The following PIK3C2G variants were observed in gnomAD, a reference collection of about 807,000 sequenced individuals.
PIK3C2G encodes phosphatidylinositol 3-kinase C2 domain-containing subunit gamma.
Under a neutral mutation model 181.1 loss-of-function variants are expected in PIK3C2G, and 168 were observed. That is an observed-to-expected ratio of 0.93 (90% CI 0.82 to 1.05). The LOEUF (loss-of-function observed/expected upper bound fraction) is 1.05, where lower values mean the gene tolerates loss of function less well. Among genes scored for constraint, PIK3C2G ranks in the 50% least tolerant of loss-of-function variants. PIK3C2G has a pLI of 0.00. For synonymous variants in PIK3C2G, 573 were observed against 592.2 expected (o/e 0.97, Z 0.47); for missense variants, 1,869 against 1,732.8 (o/e 1.08, Z -1.40).
intron 1 of PIK3C2G, among the ~76,000 whole-genome samples, chr12:18,252,465 T>C (rs1948104603): frequency 6.6e-6 from 1 of 152,182 alleles, no homozygotes; most frequent in Admixed American, 6.5e-5. Flanking sequence ...TAATAAAAGA[T>C]TAACAAAACG....
intron 11 of PIK3C2G, among the ~76,000 whole-genome samples, chr12:18,355,931 G>A (rs1342479506): frequency 6.6e-6 from 1 of 152,062 alleles, no homozygotes; most frequent in Non-Finnish European, 1.5e-5. Flanking sequence ...AAAGAAGGAA[G>A]GAAAGATATC....
intron 8 of PIK3C2G, among the ~76,000 whole-genome samples, chr12:18,331,492 A>C (rs1347825818): frequency 3.3e-5 from 5 of 152,102 alleles, no homozygotes; most frequent in Admixed American, 3.3e-4. Flanking sequence ...AGTGGAACTC[A>C]CTTTCATATA....
At chr12:18,619,787 C>G (rs550501658) in intron 31 of PIK3C2G, among the ~76,000 whole-genome samples, 2 of 149,520 alleles carry the variant, frequency 1.3e-5, no homozygotes, top group Non-Finnish European at 3.0e-5. Flanking sequence ...CATAGTGGCG[C>G]GATCTCGGCT....
intron 24 of PIK3C2G, among the ~76,000 whole-genome samples, chr12:18,509,342 C>A (rs1035977419): frequency 1.3e-5 from 2 of 152,176 alleles, no homozygotes; most frequent in Non-Finnish European, 2.9e-5. Flanking sequence ...GCCACTGCAC[C>A]CAGTTACAAA....
intron 1 of PIK3C2G, among the ~76,000 whole-genome samples, chr12:18,273,009 T>C (rs1299205159): frequency 6.7e-6 from 1 of 149,400 alleles, no homozygotes; most frequent in East Asian, 2.0e-4. Flanking sequence ...CACACCCCCA[T>C]CCATAGACAC....
chr12:18,476,715 G>A (rs73068576), intron 18 of PIK3C2G, among the ~76,000 whole-genome samples: 1,873 of 152,174 alleles, frequency 0.012, 20 homozygotes, highest in Non-Finnish European at 0.017. Flanking sequence ...TAGTTAGGGT[G>A]ATGGAAGTCT....
intron 3 of PIK3C2G, among the ~76,000 whole-genome samples, chr12:18,289,249 A>T (rs1301379515): frequency 1.3e-5 from 2 of 152,176 alleles, no homozygotes; most frequent in Non-Finnish European, 2.9e-5. Flanking sequence ...ATTGTAACAT[A>T]CTTTAAAGCC....
intron 24 of PIK3C2G, among the ~76,000 whole-genome samples, chr12:18,509,444 C>T (rs1942070334): frequency 6.6e-6 from 1 of 152,238 alleles, no homozygotes; most frequent in African/African-American, 2.4e-5. Context: ...AAACATTTCT[C>T]ACTGGGCTGC....
intron 3 of PIK3C2G, among the ~76,000 whole-genome samples, chr12:18,288,951 A>G (rs1949570917): frequency 6.6e-6 from 1 of 152,202 alleles, no homozygotes; most frequent in Admixed American, 6.5e-5. Flanking sequence ...ATTTCATAAT[A>G]GTCATGAAAA....
At chr12:18,457,818 A>C (rs1947709870) in intron 18 of PIK3C2G, among the ~76,000 whole-genome samples, 1 of 152,184 alleles carries the variant, frequency 6.6e-6, no homozygotes, top group African/African-American at 2.4e-5. Flanking sequence ...TGGACTGTGC[A>C]TGAATCTAGA....
At chr12:18,383,987 A>ATTTT (rs71440366) in intron 14 of PIK3C2G, among the ~76,000 whole-genome samples, 10 of 136,998 alleles carry the variant, frequency 7.3e-5, no homozygotes, top group East Asian at 2.1e-4. Flanking sequence ...TATTATTATT[A>ATTTT]TTTTTTTTTT....
At chr12:18,442,306 A>C (rs1946786547) in intron 18 of PIK3C2G, among the ~76,000 whole-genome samples, 1 of 152,198 alleles carries the variant, frequency 6.6e-6, no homozygotes, top group Non-Finnish European at 1.5e-5. Flanking sequence ...TAAAATATGC[A>C]CTGGACCAAT....
intron 24 of PIK3C2G, among the ~76,000 whole-genome samples, chr12:18,536,950 T>C (rs542820457): frequency 1.3e-5 from 2 of 152,074 alleles, no homozygotes; most frequent in Admixed American, 6.6e-5. Flanking sequence ...TTCCAGCCTT[T>C]CCTCCAGGCA....
At chr12:18,521,345 A>G (rs1942900157) in intron 24 of PIK3C2G, among the ~76,000 whole-genome samples, 1 of 152,234 alleles carries the variant, frequency 6.6e-6, no homozygotes, top group South Asian at 2.1e-4. Flanking sequence ...CAGAACTAGC[A>G]GGAGGAAAGA....
chr12:18,252,962 T>G (rs968800166), intron 1 of PIK3C2G, among the ~76,000 whole-genome samples: 9 of 152,158 alleles, frequency 5.9e-5, no homozygotes, highest in African/African-American at 2.2e-4. Flanking sequence ...AAGGTAGCAC[T>G]TGTTTTGGAA....
upstream of PIK3C2G, among the ~76,000 whole-genome samples, chr12:18,260,303 G>A (rs1948201309): frequency 6.6e-6 from 1 of 152,042 alleles, no homozygotes; most frequent in South Asian, 2.1e-4. Flanking sequence ...TAAGGGTTTA[G>A]CATAAATGTA....
chr12:18,371,167 C>A lies in PIK3C2G; in HGVS notation c.1749-13C>A, dbSNP rs772287394. On this transcript the variant is annotated splice_polypyrimidine_tract_variant and intron_variant, in intron 12 of 32. Transcript: ENST00000538779. ...ATTGGGTAGGTAATGCTTCTTCTTT[C>A]TTTTATTCTCAGGATCAATTTTCCC... is the stretch of plus-strand genomic sequence containing the variant. 1.3e-6 allele frequency: 2 copies of A among 1,594,296 alleles called. No homozygotes were observed. Among genetic ancestry groups the A allele is most frequent in the South Asian group, 1.1e-5 (1 of 87,908 alleles).
chr12:18,267,421 A>G (rs1024723883), intron 1 of PIK3C2G, among the ~76,000 whole-genome samples: 3 of 152,206 alleles, frequency 2.0e-5, no homozygotes, highest in African/African-American at 4.8e-5. Flanking sequence ...TATACATAGC[A>G]TATATTTTTC....
intron 32 of PIK3C2G, 29 bp from the exon 33 acceptor site, chr12:18,647,847 T>A: frequency 7.2e-7 from 1 of 1,390,762 alleles, no homozygotes; most frequent in Non-Finnish European, 9.6e-7. Flanking sequence ...ATTTCTGATT[T>A]ATATTTTCAT....
Sources: gnomAD v4.1 joint callset for allele counts (sites outside exome capture counted in the v4.1 genomes callset) on GRCh38, gnomAD v4.1.1 for gene constraint, MANE v1.5 for transcripts, NCBI Gene and HGNC (gene_info 2026-07-23, HGNC 2026-07-21) for gene names.